Variants in ATP2B4 observed in about 807,000 individuals in gnomAD.
The protein encoded by ATP2B4 is plasma membrane calcium-transporting ATPase 4.
Under a neutral mutation model 110.3 loss-of-function variants are expected in ATP2B4, and 39 were observed. The ratio of observed to expected loss-of-function variants is 0.35; its 90% CI spans 0.27 to 0.46. The LOEUF (loss-of-function observed/expected upper bound fraction) is 0.46. ATP2B4 is among the 20% of genes least tolerant of loss of function. ATP2B4 has a pLI of 1.00. For synonymous variants in ATP2B4, 538 were observed against 571.7 expected, an observed-to-expected ratio of 0.94 and a Z score of 0.84; for missense variants, 1,135 against 1,530.9, an observed-to-expected ratio of 0.74 and a Z score of 4.32.
At chr1:203,693,850 C>T (rs992093310) in intron 2 of ATP2B4, among the ~76,000 whole-genome samples, 1 of 152,196 alleles carries the variant, frequency 6.6e-6, no homozygotes, top group Non-Finnish European at 1.5e-5. Flanking sequence ...GAGGCAGAAA[C>T]TTCAGTGCTA....
At chr1:203,732,805 A>T (rs1325327564) in intron 20 of ATP2B4, among the ~76,000 whole-genome samples, 2 of 150,242 alleles carry the variant, frequency 1.3e-5, no homozygotes, top group Non-Finnish European at 1.5e-5. Context: ...ACAGATTGAG[A>T]TTCCATCTCA....
chr1:203,675,913 T>C (rs578131963), intron 1 of ATP2B4, among the ~76,000 whole-genome samples: 10 of 151,898 alleles, frequency 6.6e-5, no homozygotes, highest in Non-Finnish European at 1.0e-4. Flanking sequence ...GGAAGGACTA[T>C]AGGGGGGAGA....
intron 20 of ATP2B4, among the ~76,000 whole-genome samples, chr1:203,734,768 G>T (rs934861044): frequency 4.2e-4 from 63 of 150,762 alleles, no homozygotes; most frequent in African/African-American, 1.5e-3. Flanking sequence ...ACTCTGGGAG[G>T]CCAAGGCAGG....
intron 19 of ATP2B4, among the ~76,000 whole-genome samples, chr1:203,726,808 C>A (rs1014067055): frequency 1.3e-5 from 2 of 152,132 alleles, no homozygotes; most frequent in African/African-American, 4.8e-5. Context: ...TCATGTGACC[C>A]CTCTTCTATG....
chr1:203,725,004 A>C (rs1005298475), intron 19 of ATP2B4, among the ~76,000 whole-genome samples: 61 of 150,492 alleles, frequency 4.1e-4, no homozygotes, highest in African/African-American at 1.5e-3. Context: ...CAGCCTCCCA[A>C]GTAGCTGGGA....
At chr1:203,682,429 G>A (rs978562994) in intron 1 of ATP2B4, among the ~76,000 whole-genome samples, 5 of 152,182 alleles carry the variant, frequency 3.3e-5, no homozygotes, top group Non-Finnish European at 5.9e-5. Context: ...ATCAGAGGTC[G>A]TAACCATTTA....
chr1:203,660,529 C>G (rs1664306432), intron 1 of ATP2B4, among the ~76,000 whole-genome samples: 1 of 151,870 alleles, frequency 6.6e-6, no homozygotes, highest in Admixed American at 6.6e-5. Context: ...GGCCTGGGCA[C>G]AGTGGCTCAC....
chr1:203,724,522 GA>G (rs112741664), intron 19 of ATP2B4, among the ~76,000 whole-genome samples: 8 of 133,290 alleles, frequency 6.0e-5, no homozygotes, highest in Admixed American at 1.5e-4. Context: ...GTGTCAAAAA[GA>G]AAAAAAAAAG....
chr1:203,699,750 C>T, intron 4 of ATP2B4, 33 bp downstream of exon 4: 2 of 1,608,774 alleles, frequency 1.2e-6, no homozygotes, highest in Non-Finnish European at 1.7e-6. Flanking sequence ...GCTTACCCCA[C>T]CACCACCCCC....
intron 11 of ATP2B4, 46 bp downstream of exon 11, chr1:203,709,588 A>C: frequency 1.2e-6 from 2 of 1,611,110 alleles, no homozygotes; most frequent in East Asian, 4.5e-5. Context: ...TCCTCTCCTC[A>C]GGAAGGCATG....
At chr1:203,730,627 C>A (rs1666677253) in intron 20 of ATP2B4, among the ~76,000 whole-genome samples, 1 of 152,222 alleles carries the variant, frequency 6.6e-6, no homozygotes, top group African/African-American at 2.4e-5. Flanking sequence ...AGTCTTCTGT[C>A]CTGGGAGGCT....
chr1:203,722,608 C>A lies in ATP2B4; in HGVS notation c.2943C>A (p.Ile981=). The change falls in exon 18 of 21, where the codon ATC becomes ATA. Residue 981 remains isoleucine (I), a synonymous_variant. Transcript: ENST00000357681. ...TCAATGAAATCAACTCCCGAAAGAT[C>A]CATGGAGAGAAGAACGTCTTTTCAG... ...QLFNEINSRK[I]HGEKNVFSGI... 8 of 1,614,180 alleles carry A rather than the reference C, an allele frequency of 5.0e-6. No homozygotes were observed. The highest frequency in any genetic ancestry group is 5.9e-6 in the Non-Finnish European group (7 of 1,180,032).
chr1:203,696,755 A>G (rs1288428116), intron 2 of ATP2B4, among the ~76,000 whole-genome samples: 1 of 151,998 alleles, frequency 6.6e-6, no homozygotes, highest in African/African-American at 2.4e-5. Flanking sequence ...TGTGGTATGT[A>G]TGTGGTGCAT....
chr1:203,727,583 G>A lies in ATP2B4; in HGVS notation c.3309+12G>A. 1 of 1,613,282 alleles carries A rather than the reference G, an allele frequency of 6.2e-7. No homozygotes were observed. Among genetic ancestry groups the A allele is most frequent in the Non-Finnish European group, 8.5e-7 (1 of 1,179,818 alleles). On this transcript the variant is annotated intron_variant, in intron 20 of 20. Coordinates refer to ENST00000357681, the MANE Select transcript of ATP2B4 (RefSeq NM_001684.5). ...GTATCCAGACTCAGGTACTCTGATA[G>A]TGGTCTGTCCTTCCCTTGGGAGAAG... is the stretch of plus-strand genomic sequence containing the variant.
chr1:203,698,428 G>T, intron 3 of ATP2B4, 74 bp downstream of exon 3: 1 of 1,499,498 alleles, frequency 6.7e-7, no homozygotes, highest in Non-Finnish European at 9.3e-7. Context: ...GCTTAGTATT[G>T]GTGGCTGACA....
chr1:203,706,199 C>T (rs368644550), intron 8 of ATP2B4, among the ~76,000 whole-genome samples: 2 of 152,124 alleles, frequency 1.3e-5, no homozygotes, highest in East Asian at 3.9e-4. Context: ...GTAGGGTAAC[C>T]AACCATCCCA....
At chr1:203,729,486 A>T (rs2102229205) in intron 20 of ATP2B4, 7 of 375,668 alleles carry the variant, frequency 1.9e-5, no homozygotes, top group South Asian at 1.4e-4. Context: ...CTGAGGTTGC[A>T]GTGAGCTGAG....
At chr1:203,712,462 G>T (rs183104153) in intron 13 of ATP2B4, among the ~76,000 whole-genome samples, 1 of 152,052 alleles carries the variant, frequency 6.6e-6, no homozygotes, top group African/African-American at 2.4e-5. Flanking sequence ...ATGGTGGCGT[G>T]CACCTGTAGT....
chr1:203,723,459 T>TCCCTCCCC (rs1666407422), intron 18 of ATP2B4, among the ~76,000 whole-genome samples: 1 of 128,684 alleles, frequency 7.8e-6, no homozygotes, highest in Non-Finnish European at 1.6e-5. Context: ...TCTCTCTCTC[T>TCCCTCCCC]CCCTCTGCCT....
Sources: gnomAD v4.1 joint callset for allele counts (sites outside exome capture counted in the v4.1 genomes callset) on GRCh38, gnomAD v4.1.1 for gene constraint, MANE v1.5 for transcripts, NCBI Gene and HGNC (gene_info 2026-07-23, HGNC 2026-07-21) for gene names.